Variants in LITAF observed in about 807,000 individuals in gnomAD.
The protein encoded by LITAF is lipopolysaccharide induced TNF factor.
LITAF carries 9 observed loss-of-function variants against 14.5 expected under a neutral mutation model. The ratio of observed to expected loss-of-function variants is 0.62; its 90% CI spans 0.37 to 1.08. The LOEUF (loss-of-function observed/expected upper bound fraction) is 1.08, where lower values mean the gene tolerates loss of function less well. LITAF is among the 50% of genes least tolerant of loss of function. The pLI, the probability that LITAF is intolerant of heterozygous loss-of-function variation, is 0.01. For synonymous variants in LITAF, 98 were observed against 88.2 expected (o/e 1.11, Z -0.62); for missense variants, 206 against 213.4 (o/e 0.97, Z 0.22).
intron 1 of LITAF, chr16:11,561,705 G>C (rs2064368820): frequency 6.6e-6 from 1 of 152,138 alleles, no homozygotes; most frequent in Non-Finnish European, 1.5e-5. Context: ...ACCACGGTTA[G>C]TCCCATTTTG....
chr16:11,639,353 G>C (rs902451943), upstream of LITAF, among the ~76,000 whole-genome samples: 5 of 151,146 alleles, frequency 3.3e-5, no homozygotes, highest in Admixed American at 6.6e-5. Flanking sequence ...AATGATTAGT[G>C]GGGGGAAGAA....
Position 11,556,528 on chromosome 16 carries a change from A to T in LITAF, c.203T>A (p.Ile68Asn). 6.2e-7 allele frequency: 1 copy of T among 1,613,872 alleles called. No individual in the cohort carries two copies. Among genetic ancestry groups the T allele is most frequent in the South Asian group, 1.1e-5 (1 of 91,072 alleles). Residue 68 changes from isoleucine to asparagine, a missense_variant, in exon 2 of 4, where the codon ATC becomes AAC. Coordinates refer to ENST00000622633, the MANE Select transcript of LITAF (RefSeq NM_001136472.2). ...ACACGTACTTGGATTGTTATTGGGG[A>T]TGGGCGCTGGCTGGGTATAATACGA... ...PPSYYTQPAP[I>N]PNNNPITVQT... is the part of the protein sequence containing the mutation.
At chr16:11,616,248 C>T (rs577963238) in intron 3 of LITAF, among the ~76,000 whole-genome samples, 1 of 152,190 alleles carries the variant, frequency 6.6e-6, no homozygotes, top group East Asian at 1.9e-4. Context: ...CTGAAGCAGG[C>T]AGATCCCTTG....
chr16:11,627,455 G>A (rs939220186), intron 3 of LITAF, among the ~76,000 whole-genome samples: 1 of 152,246 alleles, frequency 6.6e-6, no homozygotes, highest in Non-Finnish European at 1.5e-5. Context: ...ACTTCCCAGT[G>A]ACACAATACA....
chr16:11,619,958 A>T (rs1217931081), intron 3 of LITAF, among the ~76,000 whole-genome samples: 1 of 151,898 alleles, frequency 6.6e-6, no homozygotes, highest in Non-Finnish European at 1.5e-5. Flanking sequence ...ACCTGAGGTC[A>T]GGAGTTGGAG....
At position 11,558,262 on chromosome 16, in the gene LITAF, AG is replaced by A. The variant is rs2064305620; in HGVS notation, c.-5-1528del. Among the ~76,000 whole-genome samples, 1 of 152,148 alleles carries A rather than the reference AG, an allele frequency of 6.6e-6. No homozygotes were observed. Among genetic ancestry groups the A allele is most frequent in the African/African-American group, 2.4e-5 (1 of 41,424 alleles). Reference sequence around the variant, plus strand: ...AGACTTCTCTGGAGGAACCGAAGAAAGGGTATTCACCTCAAAGTGGAAACAG... The same window carrying A: ...AGACTTCTCTGGAGGAACCGAAGAAAGGTATTCACCTCAAAGTGGAAACAG... On this transcript the variant is annotated intron_variant, in intron 1 of 3. Coordinates refer to ENST00000622633, the MANE Select transcript of LITAF (RefSeq NM_001136472.2). This position sits in a 1 kb window ranked among gnomAD's most constrained non-coding sequence, Gnocchi z 4.1.
intron 3 of LITAF, among the ~76,000 whole-genome samples, chr16:11,626,365 A>G (rs74467555): frequency 2.0e-5 from 3 of 149,490 alleles, no homozygotes; most frequent in African/African-American, 4.9e-5. Flanking sequence ...TTTTTTTTTA[A>G]GACAGTCTTG....
chr16:11,613,432 G>A (rs1385836711), intron 3 of LITAF, among the ~76,000 whole-genome samples: 2 of 152,200 alleles, frequency 1.3e-5, no homozygotes, highest in Non-Finnish European at 2.9e-5. Context: ...CTGACCATCT[G>A]GGCAATTCAG....
chr16:11,558,740 G>C lies in LITAF; in HGVS notation c.-5-2005C>G, dbSNP rs1459421212. ...AACAAACGAAACAAAGTGGAATAGA[G>C]GCGGGGGAGTGAACGTGATAAAAAG... On this transcript the variant is annotated intron_variant, in intron 1 of 3. Transcript: ENST00000622633. The surrounding 1 kb of genome is among the most constrained non-coding windows in gnomAD (Gnocchi z 4.1). Among the ~76,000 whole-genome samples the C allele has an allele frequency of 6.6e-6, 1 of 152,072 alleles. No homozygotes were observed. The highest frequency in any genetic ancestry group is 1.5e-5 in the Non-Finnish European group (1 of 68,008).
At chr16:11,612,307 G>A (rs549295897) in intron 3 of LITAF, among the ~76,000 whole-genome samples, 10 of 152,264 alleles carry the variant, frequency 6.6e-5, no homozygotes, top group South Asian at 4.1e-4. Flanking sequence ...CCTGGGAGCC[G>A]CAGCAGGCTT....
intron 3 of LITAF, among the ~76,000 whole-genome samples, chr16:11,550,391 C>T (rs992675384): frequency 2.0e-5 from 3 of 152,194 alleles, no homozygotes; most frequent in Admixed American, 6.5e-5. Context: ...CACCCGGCCC[C>T]TGCTGACATT....
chr16:11,582,621 A>G (rs1383067574), intron 1 of LITAF, among the ~76,000 whole-genome samples: 1 of 152,200 alleles, frequency 6.6e-6, no homozygotes, highest in East Asian at 1.9e-4. Flanking sequence ...ATATCGCAGA[A>G]ATGACCCCAG....
At chr16:11,551,918 G>A in intron 3 of LITAF, 1 of 403,138 alleles carries the variant, frequency 2.5e-6, no homozygotes, top group Non-Finnish European at 4.3e-6. Flanking sequence ...AGAGGCAATG[G>A]ACTTTTTTTT....
intron 2 of LITAF, among the ~76,000 whole-genome samples, chr16:11,555,179 C>A (rs369561961): frequency 1.3e-5 from 2 of 152,032 alleles, no homozygotes; most frequent in Non-Finnish European, 2.9e-5. Context: ...ACTACAGGTA[C>A]AAGCCATCAC....
intron 3 of LITAF, among the ~76,000 whole-genome samples, chr16:11,617,128 G>A (rs563640793): frequency 6.6e-6 from 1 of 152,168 alleles, no homozygotes; most frequent in South Asian, 2.1e-4. Flanking sequence ...GCTGAGGCAG[G>A]AGGATCGCTT....
Position 11,556,551 on chromosome 16 carries a change from CGAA to C in LITAF, c.177_179del (p.Ser60del). On this transcript the variant is annotated inframe_deletion, in exon 2 of 4. Coordinates refer to ENST00000622633, the MANE Select transcript of LITAF (RefSeq NM_001136472.2). ...GGATGGGCGCTGGCTGGGTATAATACGAAGGAGGATTCATGCCCTTCCCATCAG... is the reference window on the plus strand; with the variant it reads ...GGATGGGCGCTGGCTGGGTATAATACGGAGGATTCATGCCCTTCCCATCAG... 1 of 1,614,164 alleles carries C rather than the reference CGAA, an allele frequency of 6.2e-7. No individual in the cohort carries two copies. Among genetic ancestry groups the C allele is most frequent in the Non-Finnish European group, 8.5e-7 (1 of 1,180,028 alleles).
intron 3 of LITAF, among the ~76,000 whole-genome samples, chr16:11,628,929 G>A (rs2065102025): frequency 1.3e-5 from 2 of 152,188 alleles, no homozygotes; most frequent in Non-Finnish European, 2.9e-5. Flanking sequence ...GCCCGCCTTG[G>A]CCTCCCAAAG....
intron 3 of LITAF, chr16:11,629,197 G>A (rs1034379376): frequency 1.3e-5 from 2 of 151,334 alleles, no homozygotes; most frequent in Non-Finnish European, 2.9e-5. Context: ...AGGCTCAGAA[G>A]GCTGAGCGCA....
rs1041641954 is a variant in LITAF at position 11,593,671 on chromosome 16, T to TA, written c.-6+4716dup. On this transcript the variant is annotated intron_variant, in intron 1 of 3. Transcript: ENST00000571627. ...ATAAAAGAATTGAATGATTTGGCCA[T>TA]AAAAAGGAACAATGCATTGATGCTT... Among the ~76,000 whole-genome samples the TA allele has an allele frequency of 2.1e-4, 32 of 152,278 alleles. 1 individual carries two copies. Among genetic ancestry groups the TA allele is most frequent in the East Asian group, 1.7e-3 (9 of 5,184 alleles).
Sources: allele counts gnomAD v4.1 joint callset (sites outside exome capture counted in the v4.1 genomes callset), GRCh38; gene constraint gnomAD v4.1.1; non-coding constraint Gnocchi (gnomAD v3.1); transcripts MANE v1.5; gene names NCBI Gene and HGNC (gene_info 2026-07-23, HGNC 2026-07-21).